RSF1: variants seen among roughly 807,000 people sequenced by gnomAD.
RSF1 encodes remodeling and spacing factor 1, also known as HBV pX-associated protein 8.
Under a neutral mutation model 145.2 loss-of-function variants are expected in RSF1, and 13 were observed. The ratio of observed to expected loss-of-function variants is 0.09; its 90% CI spans 0.06 to 0.14. The LOEUF (loss-of-function observed/expected upper bound fraction) is 0.14. RSF1 is among the 10% of genes least tolerant of loss of function. The pLI, the probability that RSF1 is intolerant of heterozygous loss-of-function variation, is 1.00. For missense variants in RSF1, 1,517 were observed against 1,718.2 expected (o/e 0.88, Z 2.07); for synonymous variants, 577 against 592.6 (o/e 0.97, Z 0.38).
chr11:77,771,903 A>G (rs1384246902), intron 1 of RSF1, among the ~76,000 whole-genome samples: 2 of 152,234 alleles, frequency 1.3e-5, no homozygotes, highest in Non-Finnish European at 2.9e-5. Flanking sequence ...GCTGTGGTGC[A>G]GAGATGTAGG....
At chr11:77,784,621 G>C (rs1208408674) in intron 1 of RSF1, among the ~76,000 whole-genome samples, 1 of 152,140 alleles carries the variant, frequency 6.6e-6, no homozygotes, top group Non-Finnish European at 1.5e-5. Context: ...GTGCTGTTAA[G>C]ATTTTGCAAT....
chr11:77,725,784 T>G, intron 4 of RSF1, 85 bp from the exon 5 acceptor site: 1 of 1,087,526 alleles, frequency 9.2e-7, no homozygotes, highest in East Asian at 3.0e-5. Flanking sequence ...GAAATTAAAA[T>G]AAAAAAAGAA....
chr11:77,871,256 A>C, the RSF1 span, among the ~76,000 whole-genome samples: 1 of 152,236 alleles, frequency 6.6e-6, no homozygotes, highest in Admixed American at 6.5e-5. Context: ...GAGTCTAATT[A>C]AAATCTATTT....
chr11:77,847,724 C>A, the RSF1 span, among the ~76,000 whole-genome samples: 190 of 152,280 alleles, frequency 1.2e-3, no homozygotes, highest in African/African-American at 4.3e-3. Context: ...ATATTGTATT[C>A]AGTTAATAAG....
intron 1 of RSF1, among the ~76,000 whole-genome samples, chr11:77,784,918 C>T (rs1308004317): frequency 6.6e-6 from 1 of 152,192 alleles, no homozygotes; most frequent in East Asian, 1.9e-4. Flanking sequence ...CTCAAGGTAG[C>T]CCATGTACAG....
intron 5 of RSF1, among the ~76,000 whole-genome samples, chr11:77,708,137 TG>T (rs1960596416): frequency 6.6e-6 from 1 of 152,170 alleles, no homozygotes; most frequent in Non-Finnish European, 1.5e-5. Context: ...AAGGTACTCT[TG>T]GCCAGGCATG....
chr11:77,683,957 T>C, intron 10 of RSF1, 138 bp from the exon 11 acceptor site: 3 of 592,334 alleles, frequency 5.1e-6, no homozygotes, highest in Non-Finnish European at 5.9e-6. Context: ...CCTCCAAAAG[T>C]GAATAAACAT....
In RSF1 at chr11:77,661,325, C is replaced by T. The variant is rs556460744; in HGVS notation, c.*5592G>A. On this transcript the variant is annotated 3_prime_UTR_variant, in exon 16 of 16. Transcript: ENST00000308488. ...GAACACCAGACTAACATTGAGAATA[C>T]CCTAGTTAGGCATCACAAAAATCAT... 2 of 152,062 alleles carry T rather than the reference C, an allele frequency of 1.3e-5. No individual in the cohort carries two copies. Among genetic ancestry groups the T allele is most frequent in the South Asian group, 2.1e-4 (1 of 4,834 alleles). 9.4% of individuals were successfully genotyped at this position (152,062 alleles called of 1,614,324 possible). A position where few individuals can be genotyped will look rare whatever the true frequency, so the allele number is the denominator to read the frequency against.
intron 1 of RSF1, among the ~76,000 whole-genome samples, chr11:77,806,753 G>C (rs1410642718): frequency 6.6e-6 from 1 of 151,532 alleles, no homozygotes; most frequent in East Asian, 1.9e-4. Context: ...AAACACCTGA[G>C]TCATTAAAAA....
At chr11:77,842,580 A>G in the RSF1 span, 1 of 1,614,066 alleles carries the variant, frequency 6.2e-7, no homozygotes, top group Non-Finnish European at 8.5e-7. Context: ...ACTGCAAAGT[A>G]TGGCCAGGGG....
chr11:77,869,502 ACGGT>A, the RSF1 span, among the ~76,000 whole-genome samples: 59,358 of 150,612 alleles, frequency 0.39, 12,163 homozygotes, highest in African/African-American at 0.5. Context: ...TTGTAGAGAC[ACGGT>A]CGGTCTCCCT....
intron 4 of RSF1, among the ~76,000 whole-genome samples, chr11:77,726,596 C>T (rs1026374421): frequency 1.3e-5 from 2 of 152,140 alleles, no homozygotes; most frequent in Admixed American, 1.3e-4. Flanking sequence ...TCAGACAGTG[C>T]ATAATGCTGA....
intron 1 of RSF1, among the ~76,000 whole-genome samples, chr11:77,798,996 G>A (rs1381974479): frequency 1.4e-5 from 2 of 147,788 alleles, no homozygotes; most frequent in East Asian, 2.0e-4. Context: ...GAGCCCAAAA[G>A]CCTTGAACAA....
chr11:77,714,197 G>A (rs188988734), intron 5 of RSF1, among the ~76,000 whole-genome samples: 88 of 152,238 alleles, frequency 5.8e-4, no homozygotes, highest in South Asian at 2.5e-3. Context: ...TCACATCAGC[G>A]TGGAGCTTAA....
At chr11:77,849,575 G>C in the RSF1 span, among the ~76,000 whole-genome samples, 1 of 151,492 alleles carries the variant, frequency 6.6e-6, no homozygotes, top group African/African-American at 2.4e-5. Flanking sequence ...GCTTAGGTTG[G>C]TTCAAACTCC....
chr11:77,826,047 T>C, the RSF1 span, among the ~76,000 whole-genome samples: 1 of 152,114 alleles, frequency 6.6e-6, no homozygotes, highest in Non-Finnish European at 1.5e-5. Flanking sequence ...CTGGCTAAGA[T>C]TGGTTTCTCC....
chr11:77,851,446 G>A, the RSF1 span: 8 of 152,276 alleles, frequency 5.3e-5, no homozygotes, highest in East Asian at 3.9e-4. Flanking sequence ...GTTTGCTTTT[G>A]CTTTTGTTTT....
intron 9 of RSF1, among the ~76,000 whole-genome samples, chr11:77,689,690 C>G (rs1960099383): frequency 6.6e-6 from 1 of 152,150 alleles, no homozygotes; most frequent in South Asian, 2.1e-4. Flanking sequence ...AAGGTGAGTT[C>G]CATGTAAACA....
chr11:77,707,694 TGCTCA>T (rs1425424487), intron 5 of RSF1, among the ~76,000 whole-genome samples: 1 of 152,246 alleles, frequency 6.6e-6, no homozygotes, highest in African/African-American at 2.4e-5. Context: ...GAAGGAATTA[TGCTCA>T]TACACTGGTA....
Sources: allele counts gnomAD v4.1 joint callset (sites outside exome capture counted in the v4.1 genomes callset), GRCh38; gene constraint gnomAD v4.1.1; transcripts MANE v1.5; gene names NCBI Gene and HGNC (gene_info 2026-07-23, HGNC 2026-07-21).